Variants in IL12RB2 observed in about 807,000 individuals in gnomAD.
IL12RB2 encodes the protein interleukin-12 receptor subunit beta-2.
Under a neutral mutation model 89.4 loss-of-function variants are expected in IL12RB2, and 82 were observed. The ratio of observed to expected loss-of-function variants is 0.92; its 90% CI spans 0.77 to 1.10. The LOEUF is 1.10. Ranked by LOEUF, IL12RB2 falls within the 50% of genes least tolerant of loss-of-function variation. The pLI is 0.00. For missense variants in IL12RB2, 963 were observed against 1,031.9 expected (o/e 0.93, Z 0.92); for synonymous variants, 368 against 370.1 (o/e 0.99, Z 0.07).
Position 67,368,025 on chromosome 1 carries a change from G to T in IL12RB2, c.1459G>T (p.Glu487Ter), listed in dbSNP as rs763112205. Residue 487 changes from glutamate to a stop codon, truncating the protein, a stop_gained and splice_region_variant, in exon 11 of 17, where the codon GAG becomes TAG. Transcript: ENST00000674203. LOFTEE classifies it high-confidence loss of function. ...RPYNVSALISENIKSYICYEI... is the reference protein window; with the variant it reads ...RPYNVSALIS ...CTACAATGTGTCTGCTCTGATTTCA[G>T]GTACCTAATTGTTCACCTTCCTTCT... 1 of 1,579,432 alleles carries T rather than the reference G, an allele frequency of 6.3e-7. No homozygotes were observed. The highest frequency in any genetic ancestry group is 1.1e-5 in the South Asian group (1 of 90,422).
chr1:67,383,106 A>C (rs1187406365), intron 14 of IL12RB2, among the ~76,000 whole-genome samples: 1 of 152,178 alleles, frequency 6.6e-6, no homozygotes, highest in Admixed American at 6.5e-5. Context: ...GGGCTGGGGA[A>C]GCCTAAGGAA....
intron 14 of IL12RB2, among the ~76,000 whole-genome samples, 175 bp from the exon 15 acceptor site, chr1:67,386,404 G>C (rs1340142891): frequency 6.6e-6 from 1 of 151,958 alleles, no homozygotes; most frequent in Non-Finnish European, 1.5e-5. Context: ...CCATAGAATT[G>C]GTCCCCTTAG....
At chr1:67,365,146 T>C (rs1031933176) in intron 10 of IL12RB2, among the ~76,000 whole-genome samples, 4 of 152,058 alleles carry the variant, frequency 2.6e-5, no homozygotes. Context: ...TGCAGCAAAA[T>C]CAGTGCTTAG....
At chr1:67,329,506 C>T in intron 6 of IL12RB2, 81 bp from the exon 7 acceptor site, 1 of 868,856 alleles carries the variant, frequency 1.2e-6, no homozygotes, top group Non-Finnish European at 2.0e-6. Flanking sequence ...TTGTCAAACT[C>T]TTTATAGCTC....
At chr1:67,320,527 A>G (rs2100588687) in intron 3 of IL12RB2, 83 bp downstream of exon 3, 1 of 1,601,340 alleles carries the variant, frequency 6.2e-7, no homozygotes, top group Non-Finnish European at 8.5e-7. Context: ...TTTGTGGTAA[A>G]TGTTCTGGTA....
At chr1:67,338,767 T>G in intron 9 of IL12RB2, 64 bp downstream of exon 9, 1 of 815,814 alleles carries the variant, frequency 1.2e-6, no homozygotes, top group South Asian at 1.3e-5. Flanking sequence ...AAGACCTATT[T>G]GCATAGTGGC....
In IL12RB2 at chr1:67,338,678, G is replaced by A; in HGVS notation, c.1013G>A (p.Arg338Lys). Residue 338 changes from arginine to lysine, a missense_variant, in exon 9 of 17, where the codon AGA becomes AAA. Physicochemically the swap from Arg to Lys is conservative, Grantham distance 26 (BLOSUM62 2). Coordinates refer to ENST00000674203, the MANE Select transcript of IL12RB2 (RefSeq NM_001374259.2). The stretch of plus-strand genomic sequence containing the variant: ...ATGAAACGGCACATTGACTACAGTA[G>A]ACAACAGATTTCTCTTTTCTGGAAG... ...WYMKRHIDYSRQQISLFWKNL... is the reference protein window; with the variant it reads ...WYMKRHIDYSKQQISLFWKNL... The A allele has an allele frequency of 6.5e-7, 1 of 1,539,998 alleles. No individual in the cohort carries two copies. The highest frequency in any genetic ancestry group is 1.1e-5 in the South Asian group (1 of 89,630).
chr1:67,349,248 C>T (rs974607596), intron 9 of IL12RB2, among the ~76,000 whole-genome samples: 1 of 152,072 alleles, frequency 6.6e-6, no homozygotes, highest in Non-Finnish European at 1.5e-5. Flanking sequence ...CTCTTGGGTC[C>T]CTGGCCAGAA....
intron 9 of IL12RB2, among the ~76,000 whole-genome samples, chr1:67,344,767 C>T (rs1259557584): frequency 1.3e-5 from 2 of 152,200 alleles, no homozygotes; most frequent in Non-Finnish European, 2.9e-5. Context: ...ACCCTCCAGA[C>T]AGTAGCACAT....
At chr1:67,348,981 G>A (rs191611740) in intron 9 of IL12RB2, among the ~76,000 whole-genome samples, 1 of 152,228 alleles carries the variant, frequency 6.6e-6, no homozygotes, top group East Asian at 1.9e-4. Context: ...GATGCGAAGG[G>A]GAAAATGTAA....
chr1:67,350,797 C>A, intron 9 of IL12RB2, 73 bp from the exon 10 acceptor site: 1 of 1,587,886 alleles, frequency 6.3e-7, no homozygotes, highest in Non-Finnish European at 8.6e-7. Flanking sequence ...ACATCTGTAC[C>A]CATGAGGTCC....
chr1:67,345,576 C>T (rs192017124), intron 9 of IL12RB2, among the ~76,000 whole-genome samples: 1 of 152,232 alleles, frequency 6.6e-6, no homozygotes, highest in East Asian at 1.9e-4. Context: ...GGATTGGCTG[C>T]CAGGACCTTG....
chr1:67,376,126 G>A (rs1056680083), intron 13 of IL12RB2, among the ~76,000 whole-genome samples: 4 of 151,834 alleles, frequency 2.6e-5, no homozygotes, highest in South Asian at 4.1e-4. Flanking sequence ...GATTACAGAC[G>A]TGAGCCACCG....
chr1:67,317,974 C>T (rs1161370338), intron 2 of IL12RB2, among the ~76,000 whole-genome samples: 1 of 152,090 alleles, frequency 6.6e-6, no homozygotes, highest in Non-Finnish European at 1.5e-5. Context: ...CTGGGGAAGA[C>T]CACATTGGTC....
At chr1:67,394,407 C>T (rs17129981) in intron 16 of IL12RB2, among the ~76,000 whole-genome samples, 5,965 of 151,986 alleles carry the variant, frequency 0.039, 418 homozygotes, top group African/African-American at 0.14. Context: ...GAATTGGCAG[C>T]AAGTTCGGAA....
At chr1:67,378,147 C>A (rs1032428863) in intron 13 of IL12RB2, among the ~76,000 whole-genome samples, 2 of 127,032 alleles carry the variant, frequency 1.6e-5, no homozygotes, top group African/African-American at 2.8e-5. Context: ...ACAACAACAA[C>A]AAAAACCTAT....
intron 14 of IL12RB2, among the ~76,000 whole-genome samples, chr1:67,381,247 G>C (rs550419654): frequency 1.4e-4 from 22 of 152,192 alleles, no homozygotes. Context: ...TGAGTCTGAT[G>C]AATAAGTGAC....
chr1:67,386,751 T>C (rs1665195838), intron 15 of IL12RB2, 82 bp downstream of exon 15: 2 of 927,250 alleles, frequency 2.2e-6, no homozygotes, highest in African/African-American at 1.6e-5. Context: ...GTCAGGGAAA[T>C]GGACACTCTC....
At position 67,321,835 on chromosome 1, in the gene IL12RB2, G is replaced by A. The variant is rs200302484; in HGVS notation, c.310G>A (p.Ala104Thr). 17 of 1,613,646 alleles carry A rather than the reference G, an allele frequency of 1.1e-5. No individual in the cohort carries two copies. The highest frequency in any genetic ancestry group is 1.6e-4 in the Middle Eastern group (1 of 6,062). ...TACAACCTTGTTTGTCTGCAAACTG[G>A]CCTGTATCAATAGTGATGAAATTCA... Reference protein sequence around the residue: ...LGTTLFVCKLACINSDEIQIC... With the variant: ...LGTTLFVCKLTCINSDEIQIC... The change falls in exon 4 of 17, where the codon GCC becomes ACC. Residue 104 changes from alanine to threonine, a missense_variant. Physicochemically the swap from Ala to Thr is moderately conservative, Grantham distance 58 (BLOSUM62 0). Transcript: ENST00000674203.
Sources: allele counts gnomAD v4.1 joint callset (sites outside exome capture counted in the v4.1 genomes callset), GRCh38; gene constraint gnomAD v4.1.1; transcripts MANE v1.5; gene names NCBI Gene and HGNC (gene_info 2026-07-23, HGNC 2026-07-21).